BANK1: variants seen among roughly 807,000 people sequenced by gnomAD.
The protein encoded by BANK1 is B-cell scaffold protein with ankyrin repeats.
In BANK1, 95 loss-of-function variants were observed where a neutral mutation model predicts 94.5. That is an observed-to-expected ratio of 1.00 (90% CI 0.85 to 1.19). The LOEUF (loss-of-function observed/expected upper bound fraction) is 1.19, where lower values mean the gene tolerates loss of function less well. Among genes scored for constraint, BANK1 ranks in the 50% most tolerant of loss-of-function variants. BANK1 has a pLI of 0.00. For synonymous variants in BANK1, 334 were observed against 308.4 expected, an observed-to-expected ratio of 1.08 and a Z score of -0.87; for missense variants, 987 against 932.2, an observed-to-expected ratio of 1.06 and a Z score of -0.77.
chr4:101,792,513 A>G (rs1340326426), intron 1 of BANK1, among the ~76,000 whole-genome samples: 1 of 147,166 alleles, frequency 6.8e-6, no homozygotes, highest in Non-Finnish European at 1.5e-5. Flanking sequence ...TCCAACAACT[A>G]TCTTAATATG....
intron 7 of BANK1, among the ~76,000 whole-genome samples, chr4:101,995,276 C>T (rs1019061771): frequency 5.9e-5 from 9 of 152,162 alleles, no homozygotes; most frequent in Non-Finnish European, 1.3e-4. Context: ...GACATGAACT[C>T]ATTCTTCTTT....
intron 7 of BANK1, among the ~76,000 whole-genome samples, chr4:101,997,620 G>T (rs1725925456): frequency 6.6e-6 from 1 of 152,032 alleles, no homozygotes; most frequent in Admixed American, 6.6e-5. Context: ...ATCTATTCAG[G>T]GATTCGACTT....
intron 7 of BANK1, among the ~76,000 whole-genome samples, chr4:102,013,690 G>C (rs1726595766): frequency 6.6e-6 from 1 of 151,750 alleles, no homozygotes; most frequent in African/African-American, 2.4e-5. Flanking sequence ...ATGAAAAGGA[G>C]GAGGTCTTTT....
intron 5 of BANK1, among the ~76,000 whole-genome samples, chr4:101,888,826 CAT>C (rs1721729844): frequency 6.6e-6 from 1 of 152,176 alleles, no homozygotes; most frequent in African/African-American, 2.4e-5. Flanking sequence ...ATTCCTATAA[CAT>C]ATCCTTTTAC....
chr4:101,799,202 C>T (rs1034531820), intron 1 of BANK1, among the ~76,000 whole-genome samples: 23 of 152,250 alleles, frequency 1.5e-4, no homozygotes, highest in African/African-American at 5.5e-4. Context: ...TTCCCAGCAC[C>T]ATTTATTAAA....
intron 5 of BANK1, among the ~76,000 whole-genome samples, chr4:101,885,206 C>T (rs139914833): frequency 7.0e-4 from 107 of 152,292 alleles, no homozygotes; most frequent in Non-Finnish European, 1.2e-3. Flanking sequence ...CGTGAGCCAC[C>T]GCACCCAGCC....
intron 7 of BANK1, among the ~76,000 whole-genome samples, chr4:102,015,731 G>A (rs1014454222): frequency 1.1e-4 from 16 of 151,966 alleles, no homozygotes; most frequent in Admixed American, 3.3e-4. Flanking sequence ...GTGAAAAATC[G>A]TGTTCATACT....
intron 7 of BANK1, among the ~76,000 whole-genome samples, chr4:101,961,998 G>A (rs1482958407): frequency 2.6e-5 from 4 of 152,124 alleles, no homozygotes; most frequent in African/African-American, 9.7e-5. Flanking sequence ...TCTAATTTCA[G>A]TTCATTTTTT....
Position 101,921,249 on chromosome 4 carries a change from A to C in BANK1, c.1206+3060A>C, listed in dbSNP as rs192227290. 7.4e-3 allele frequency among the ~76,000 whole-genome samples: 1,120 copies of C among 152,088 alleles called. 11 individuals are homozygous for C. The highest frequency in any genetic ancestry group is 0.025 in the African/African-American group (1,059 of 41,550). ...TCTACTCATTTTTCAGTTTCTAACA[A>C]TATCACCTGAGAGAATTAATATGAA... On this transcript the variant is annotated intron_variant, in intron 7 of 16. Transcript: ENST00000322953.
rs557327636 is a variant in BANK1 at position 101,991,797 on chromosome 4, A to G, written c.1207-29717A>G. On this transcript the variant is annotated intron_variant, in intron 7 of 16. Coordinates refer to ENST00000322953, the MANE Select transcript of BANK1 (RefSeq NM_017935.5). ...AGAAACTATGGATTTGTCTATGTGTATGTTTGTGTTTGTACACATACGTGT... is the reference window on the plus strand; with the variant it reads ...AGAAACTATGGATTTGTCTATGTGTGTGTTTGTGTTTGTACACATACGTGT... Among the ~76,000 whole-genome samples, 12 of 152,354 alleles carry G rather than the reference A, an allele frequency of 7.9e-5. No homozygotes were observed. In the South Asian group the frequency reaches 2.5e-3, roughly 32 times the overall value.
Position 101,855,097 on chromosome 4 carries a change from A to G in BANK1, c.532A>G (p.Ile178Val). 2 of 1,613,652 alleles carry G rather than the reference A, an allele frequency of 1.2e-6. No homozygotes were observed. Among genetic ancestry groups the G allele is most frequent in the South Asian group, 2.2e-5 (2 of 91,072 alleles). ...CCTACGAGCAAAACATTCTGGGGAA[A>G]TAAGTGAGAGAAAGGAAATTGAAGA... ...TDLRAKHSGE[I>V]SERKEIEELS... The change falls in exon 3 of 17, where the codon ATA (isoleucine) becomes GTA (valine). Residue 178 changes from isoleucine (I) to valine (V), a missense_variant. Transcript: ENST00000322953.
chr4:101,889,405 T>C (rs536226624), intron 5 of BANK1, among the ~76,000 whole-genome samples: 1 of 152,038 alleles, frequency 6.6e-6, no homozygotes, highest in East Asian at 1.9e-4. Flanking sequence ...GAGACCATCC[T>C]GGCTAACAAG....
intron 1 of BANK1, among the ~76,000 whole-genome samples, chr4:101,806,842 C>T (rs1725570781): frequency 6.6e-6 from 1 of 152,118 alleles, no homozygotes; most frequent in South Asian, 2.1e-4. Flanking sequence ...GTGCTCAATT[C>T]AGGGGATACA....
intron 7 of BANK1, among the ~76,000 whole-genome samples, chr4:101,936,556 A>C (rs941894937): frequency 6.6e-6 from 1 of 150,574 alleles, no homozygotes; most frequent in Non-Finnish European, 1.5e-5. Context: ...ACGTATACAT[A>C]TATGTATATG....
At chr4:101,846,296 A>G (rs1208269506) in intron 2 of BANK1, among the ~76,000 whole-genome samples, 1 of 152,206 alleles carries the variant, frequency 6.6e-6, no homozygotes, top group Non-Finnish European at 1.5e-5. Flanking sequence ...GAAGCTGGAA[A>G]CCATCATTCT....
chr4:101,983,749 G>A (rs1725395447), intron 7 of BANK1, among the ~76,000 whole-genome samples: 1 of 152,018 alleles, frequency 6.6e-6, no homozygotes, highest in South Asian at 2.1e-4. Context: ...TTAACACAGA[G>A]CAAAATTATT....
intron 7 of BANK1, among the ~76,000 whole-genome samples, chr4:101,993,455 C>T (rs913686170): frequency 2.0e-5 from 3 of 152,116 alleles, no homozygotes; most frequent in African/African-American, 7.2e-5. Context: ...GGAAGTACAG[C>T]TTAGGGAGTA....
intron 2 of BANK1, among the ~76,000 whole-genome samples, chr4:101,841,392 A>G (rs1727037950): frequency 6.6e-6 from 1 of 152,148 alleles, no homozygotes; most frequent in South Asian, 2.1e-4. Flanking sequence ...CATAAATTAT[A>G]AGTATAGGAC....
At chr4:101,824,287 A>G (rs1726282035) in intron 1 of BANK1, among the ~76,000 whole-genome samples, 1 of 152,228 alleles carries the variant, frequency 6.6e-6, no homozygotes, top group South Asian at 2.1e-4. Flanking sequence ...AGCAGAGGTC[A>G]GAAGTGGTCA....
Sources: gnomAD v4.1 joint callset for allele counts (sites outside exome capture counted in the v4.1 genomes callset) on GRCh38, gnomAD v4.1.1 for gene constraint, MANE v1.5 for transcripts, NCBI Gene and HGNC (gene_info 2026-07-23, HGNC 2026-07-21) for gene names.